ST6GALNAC3: variants seen among roughly 807,000 people sequenced by gnomAD.
The protein encoded by ST6GALNAC3 is alpha-N-acetylgalactosaminide alpha-2,6-sialyltransferase 3.
Under a neutral mutation model 32.7 loss-of-function variants are expected in ST6GALNAC3, and 25 were observed. That is an observed-to-expected ratio of 0.76 (90% CI 0.56 to 1.07). ST6GALNAC3 has a LOEUF of 1.07. Among genes scored for constraint, ST6GALNAC3 ranks in the 50% least tolerant of loss-of-function variants. The pLI is 0.00. For missense variants in ST6GALNAC3, 355 were observed against 382.4 expected (o/e 0.93, Z 0.60); for synonymous variants, 129 against 133.1 (o/e 0.97, Z 0.21).
chr1:76,307,521 A>G (rs2100871344), intron 1 of ST6GALNAC3, among the ~76,000 whole-genome samples: 1 of 152,260 alleles, frequency 6.6e-6, no homozygotes, highest in East Asian at 1.9e-4. Flanking sequence ...CAATGTGTGA[A>G]GTGACTGAGC....
At chr1:76,578,609 G>A (rs1384967192) in intron 3 of ST6GALNAC3, among the ~76,000 whole-genome samples, 1 of 151,956 alleles carries the variant, frequency 6.6e-6, no homozygotes, top group African/African-American at 2.4e-5. Flanking sequence ...GAATTTCTAA[G>A]TCGAGTGCAT....
intron 2 of ST6GALNAC3, among the ~76,000 whole-genome samples, chr1:76,388,163 T>C (rs11162139): frequency 0.29 from 43,959 of 151,964 alleles, 7,700 homozygotes; most frequent in East Asian, 0.62. Flanking sequence ...GGGCAGATAA[T>C]AACCCTACTT....
At chr1:76,344,251 AT>A (rs2101002063) in intron 2 of ST6GALNAC3, among the ~76,000 whole-genome samples, 1 of 152,266 alleles carries the variant, frequency 6.6e-6, no homozygotes, top group South Asian at 2.1e-4. Context: ...AACAGAAACA[AT>A]TTTTACTCTG....
chr1:76,084,329 C>T (rs578253806), intron 1 of ST6GALNAC3, among the ~76,000 whole-genome samples: 1 of 152,282 alleles, frequency 6.6e-6, no homozygotes, highest in South Asian at 2.1e-4. Context: ...AAATGCAGTC[C>T]TCAGTTTCAC....
At chr1:76,113,193 G>A (rs1285067125) in intron 1 of ST6GALNAC3, among the ~76,000 whole-genome samples, 2 of 152,060 alleles carry the variant, frequency 1.3e-5, no homozygotes, top group Non-Finnish European at 2.9e-5. Flanking sequence ...ACGAAAACCA[G>A]TCAGGCGTGG....
chr1:76,456,519 T>A (rs1057393903), intron 3 of ST6GALNAC3, among the ~76,000 whole-genome samples: 1 of 152,120 alleles, frequency 6.6e-6, no homozygotes, highest in African/African-American at 2.4e-5. Flanking sequence ...AATAGATATT[T>A]CTTTTAAGTT....
chr1:76,355,850 T>C (rs1475523833), intron 2 of ST6GALNAC3, among the ~76,000 whole-genome samples: 1 of 152,224 alleles, frequency 6.6e-6, no homozygotes, highest in Non-Finnish European at 1.5e-5. Flanking sequence ...AGAGTTTCTT[T>C]TTTCTGCCTG....
chr1:76,406,098 G>C (rs1033151099), intron 2 of ST6GALNAC3, among the ~76,000 whole-genome samples: 2 of 151,912 alleles, frequency 1.3e-5, no homozygotes, highest in African/African-American at 4.8e-5. Flanking sequence ...AACAGGCATG[G>C]TATAAAAAGA....
At chr1:76,371,298 G>A (rs1363123351) in intron 2 of ST6GALNAC3, among the ~76,000 whole-genome samples, 1 of 152,072 alleles carries the variant, frequency 6.6e-6, no homozygotes, top group Non-Finnish European at 1.5e-5. Flanking sequence ...ATTATATAGG[G>A]GGCAAAGTTG....
At chr1:76,203,396 T>C (rs1353639540) in intron 1 of ST6GALNAC3, among the ~76,000 whole-genome samples, 1 of 152,192 alleles carries the variant, frequency 6.6e-6, no homozygotes, top group South Asian at 2.1e-4. Flanking sequence ...CTCTGGGCAT[T>C]AGTCTGCGGT....
At chr1:76,152,912 A>G (rs561955070) in intron 1 of ST6GALNAC3, among the ~76,000 whole-genome samples, 35 of 152,296 alleles carry the variant, frequency 2.3e-4, no homozygotes, top group African/African-American at 8.4e-4. Context: ...GAAGCCCAAA[A>G]TATAAGCTCT....
At chr1:76,272,501 G>A (rs142870064) in intron 1 of ST6GALNAC3, among the ~76,000 whole-genome samples, 33 of 152,256 alleles carry the variant, frequency 2.2e-4, no homozygotes, top group African/African-American at 7.5e-4. Context: ...GGCAGAATCA[G>A]AATCGAAGCC....
chr1:76,207,389 T>C (rs1235882973), intron 1 of ST6GALNAC3, among the ~76,000 whole-genome samples: 2 of 152,200 alleles, frequency 1.3e-5, no homozygotes, highest in African/African-American at 2.4e-5. Context: ...GTGCCATTTG[T>C]GAGAATACAC....
chr1:76,234,922 A>G (rs1656563366), intron 1 of ST6GALNAC3, among the ~76,000 whole-genome samples: 1 of 152,200 alleles, frequency 6.6e-6, no homozygotes, highest in Admixed American at 6.5e-5. Flanking sequence ...CTCTACCTAG[A>G]TAATCAGATG....
chr1:76,207,997 G>C (rs1003203350), intron 1 of ST6GALNAC3, among the ~76,000 whole-genome samples: 2 of 152,112 alleles, frequency 1.3e-5, no homozygotes, highest in African/African-American at 2.4e-5. Context: ...TGTGCTTCAG[G>C]GGGGGCCTGC....
chr1:76,614,870 GC>G (rs1217889259), intron 3 of ST6GALNAC3, among the ~76,000 whole-genome samples: 1 of 151,984 alleles, frequency 6.6e-6, no homozygotes, highest in East Asian at 1.9e-4. Flanking sequence ...GGGAAGCAAT[GC>G]CTCTAGGGAG....
intron 3 of ST6GALNAC3, among the ~76,000 whole-genome samples, chr1:76,622,117 C>T (rs368030418): frequency 1.4e-4 from 22 of 151,932 alleles, no homozygotes; most frequent in African/African-American, 4.3e-4. Context: ...GCTTGACTTT[C>T]ATCAGTTCAA....
intron 3 of ST6GALNAC3, among the ~76,000 whole-genome samples, chr1:76,443,097 G>A (rs767348010): frequency 2.6e-5 from 4 of 151,932 alleles, no homozygotes; most frequent in Non-Finnish European, 5.9e-5. Context: ...CACCAAACTT[G>A]GTTTTATTCC....
At chr1:76,546,239 C>G (rs755627266) in intron 3 of ST6GALNAC3, among the ~76,000 whole-genome samples, 2 of 152,138 alleles carry the variant, frequency 1.3e-5, no homozygotes, top group African/African-American at 2.4e-5. Flanking sequence ...CAGCACCTAG[C>G]ATAATACTCA....
Sources: gnomAD v4.1 joint callset for allele counts (sites outside exome capture counted in the v4.1 genomes callset) on GRCh38, gnomAD v4.1.1 for gene constraint, MANE v1.5 for transcripts, NCBI Gene and HGNC (gene_info 2026-07-23, HGNC 2026-07-21) for gene names.